The following MLIP variants were observed in gnomAD, a reference collection of about 807,000 sequenced individuals.
The protein encoded by MLIP is muscular LMNA interacting protein, also known as muscular LMNA-interacting protein.
MLIP carries 79 observed loss-of-function variants against 84.8 expected under a neutral mutation model. The ratio of observed to expected loss-of-function variants is 0.93; its 90% CI spans 0.78 to 1.12. The LOEUF is 1.12. Ranked by LOEUF, MLIP falls within the 50% of genes most tolerant of loss-of-function variation. The probability of loss-of-function intolerance (pLI) is 0.00; values close to 1 mark genes in which losing one functional copy is unlikely to be tolerated. For synonymous variants in MLIP, 504 were observed against 463.0 expected, an observed-to-expected ratio of 1.09 and a Z score of -1.14; for missense variants, 1,257 against 1,160.6, an observed-to-expected ratio of 1.08 and a Z score of -1.21.
intron 1 of MLIP, among the ~76,000 whole-genome samples, chr6:54,073,606 C>G (rs553383459): frequency 1.3e-5 from 2 of 152,150 alleles, no homozygotes; most frequent in Admixed American, 6.5e-5. Flanking sequence ...ACATAGTCTC[C>G]TGAGCCCCAT....
At chr6:54,134,707 C>G (rs1022431498) in intron 3 of MLIP, among the ~76,000 whole-genome samples, 21 of 152,078 alleles carry the variant, frequency 1.4e-4, no homozygotes, top group African/African-American at 4.6e-4. Context: ...AGTTACAGCT[C>G]TATGGTCTTA....
chr6:54,156,859 T>A (rs1774084705), intron 5 of MLIP, among the ~76,000 whole-genome samples: 1 of 152,072 alleles, frequency 6.6e-6, no homozygotes, highest in Non-Finnish European at 1.5e-5. Flanking sequence ...AAGATATAGT[T>A]TAAAAAGTAA....
At chr6:54,179,952 G>T (rs1420220156) in intron 9 of MLIP, among the ~76,000 whole-genome samples, 1 of 152,098 alleles carries the variant, frequency 6.6e-6, no homozygotes, top group Non-Finnish European at 1.5e-5. Context: ...TCAAATTGAA[G>T]AGCCCTCTTT....
chr6:54,252,088 AATATATATTATAACATATAAT>A (rs1782622859), intron 12 of MLIP, among the ~76,000 whole-genome samples: 1 of 77,748 alleles, frequency 1.3e-5, no homozygotes, highest in South Asian at 3.8e-4. Context: ...ATATAATATA[AATATATATTATAACATATAAT>A]ATATAACTAT....
intron 1 of MLIP, among the ~76,000 whole-genome samples, chr6:54,104,339 T>C (rs1475662304): frequency 6.6e-6 from 1 of 152,194 alleles, no homozygotes; most frequent in Non-Finnish European, 1.5e-5. Context: ...ATGAAGTATG[T>C]CATGTGTTAG....
chr6:54,051,519 G>A (rs1353134068), intron 1 of MLIP, among the ~76,000 whole-genome samples: 2 of 152,106 alleles, frequency 1.3e-5, no homozygotes, highest in East Asian at 1.9e-4. Context: ...AAAGGAGACT[G>A]CTTTTTCCTC....
intron 12 of MLIP, among the ~76,000 whole-genome samples, chr6:54,233,063 A>T (rs146591861): frequency 5.3e-5 from 8 of 152,352 alleles, no homozygotes; most frequent in African/African-American, 1.9e-4. Flanking sequence ...TGGGTGCATC[A>T]TATCCTATAA....
chr6:54,215,257 T>C, intron 11 of MLIP: 1 of 1,495,492 alleles, frequency 6.7e-7, no homozygotes, highest in East Asian at 2.5e-5. Context: ...ACTTTCCTAC[T>C]TCCTGAAAAA....
chr6:54,240,145 G>A (rs914692039), intron 12 of MLIP, among the ~76,000 whole-genome samples: 6 of 152,104 alleles, frequency 3.9e-5, no homozygotes, highest in African/African-American at 7.2e-5. Flanking sequence ...CAACAACAAC[G>A]AAATAGAATC....
intron 12 of MLIP, among the ~76,000 whole-genome samples, chr6:54,252,834 A>C (rs1027981878): frequency 6.6e-6 from 1 of 152,102 alleles, no homozygotes. Context: ...TTTTTAAAGC[A>C]AAAGAAATAT....
At chr6:54,118,939 T>G (rs1770195089) in intron 1 of MLIP, among the ~76,000 whole-genome samples, 2 of 152,142 alleles carry the variant, frequency 1.3e-5, no homozygotes, top group South Asian at 4.1e-4. Context: ...ATGCTCATAA[T>G]GAAAAAGATG....
chr6:54,230,893 C>G lies in MLIP; in HGVS notation c.2898C>G (p.Leu966=), dbSNP rs1780953527. 2 of 1,613,896 alleles carry G rather than the reference C, an allele frequency of 1.2e-6. No homozygotes were observed. The highest frequency in any genetic ancestry group is 1.7e-5 in the Admixed American group (1 of 59,998). ...LSDEQENSHT[L]LSHNACNKLS... ...ATGAACAGGAGAATTCTCACACCCTCCTCAGTCACAACGCATGCAACAAGG... is the reference window on the plus strand; with the variant it reads ...ATGAACAGGAGAATTCTCACACCCTGCTCAGTCACAACGCATGCAACAAGG... Residue 966 remains leucine, a synonymous_variant, in exon 12 of 14, where the codon CTC becomes CTG. Coordinates refer to ENST00000502396, the MANE Select transcript of MLIP (RefSeq NM_001281747.2).
intron 11 of MLIP, among the ~76,000 whole-genome samples, chr6:54,223,158 C>G (rs1780332226): frequency 6.6e-6 from 1 of 151,594 alleles, no homozygotes; most frequent in South Asian, 2.1e-4. Context: ...AGACAGTTTG[C>G]AAATATTTTC....
At chr6:54,032,465 T>A (rs1443456350) in intron 1 of MLIP, 3 of 152,182 alleles carry the variant, frequency 2.0e-5, no homozygotes, top group Non-Finnish European at 4.4e-5. Context: ...ACAATAATGA[T>A]GAGGTAGGGC....
chr6:54,202,784 G>A (rs1054808117), intron 11 of MLIP, among the ~76,000 whole-genome samples: 3 of 152,000 alleles, frequency 2.0e-5, no homozygotes, highest in Admixed American at 6.5e-5. Flanking sequence ...TGTGGTCCCA[G>A]CTACTTGGCA....
rs75909263 is a variant in MLIP, at chr6:54,039,770, C to G, written c.63+20679C>G. 2.8e-3 allele frequency among the ~76,000 whole-genome samples: 418 copies of G among 151,994 alleles called. 1 individual carries two copies. The highest frequency in any genetic ancestry group is 9.6e-3 in the African/African-American group (400 of 41,498). ...GAGGTAATGTAACATATAAAGCAAG[C>G]ATCATCTATGTTGATTTCTTTGCAT... On this transcript the variant is annotated intron_variant, in intron 1 of 12. Coordinates refer to the MLIP transcript ENST00000274897.
In MLIP at chr6:54,208,175, G is replaced by A. The variant is rs577838684; in HGVS notation, c.2718+5942G>A. On this transcript the variant is annotated intron_variant, in intron 11 of 13. Transcript: ENST00000502396. The stretch of plus-strand genomic sequence containing the variant: ...AATAGAATGTTTTAATTCTTTATTG[G>A]TTTTATCTGTAAGGTATTAAACAAC... Among the ~76,000 whole-genome samples the A allele has an allele frequency of 2.0e-5, 3 of 152,270 alleles. No individual in the cohort carries two copies. In the South Asian group the frequency reaches 6.2e-4, roughly 32 times the overall value.
intron 12 of MLIP, among the ~76,000 whole-genome samples, chr6:54,250,297 G>A (rs982923462): frequency 1.3e-5 from 2 of 152,012 alleles, no homozygotes; most frequent in Admixed American, 1.3e-4. Context: ...GGAAGACAGT[G>A]TGGAAATTCC....
intron 5 of MLIP, among the ~76,000 whole-genome samples, 194 bp downstream of exon 5, chr6:54,149,321 G>T (rs547926308): frequency 6.6e-6 from 1 of 152,146 alleles, no homozygotes; most frequent in African/African-American, 2.4e-5. Context: ...TTTATTGCTA[G>T]AGACTGAATA....
Sources: gnomAD v4.1 joint callset for allele counts (sites outside exome capture counted in the v4.1 genomes callset) on GRCh38, gnomAD v4.1.1 for gene constraint, MANE v1.5 for transcripts, NCBI Gene and HGNC (gene_info 2026-07-23, HGNC 2026-07-21) for gene names.